RUNX1: variants seen among roughly 807,000 people sequenced by gnomAD.
RUNX1 encodes RUNX family transcription factor 1.
Under a neutral mutation model 42.8 loss-of-function variants are expected in RUNX1, and 19 were observed. That is an observed-to-expected ratio of 0.44 (90% CI 0.31 to 0.65). RUNX1 has a LOEUF of 0.65. Ranked by LOEUF, RUNX1 falls within the 30% of genes least tolerant of loss-of-function variation. The probability of loss-of-function intolerance (pLI) is 0.07; values close to 1 mark genes in which losing one functional copy is unlikely to be tolerated. For missense variants in RUNX1, 528 were observed against 672.0 expected (o/e 0.79, Z 2.37); for synonymous variants, 271 against 289.4 (o/e 0.94, Z 0.64).
At chr21:34,925,083 C>T (rs557791694) in intron 2 of RUNX1, among the ~76,000 whole-genome samples, 32 of 152,132 alleles carry the variant, frequency 2.1e-4, no homozygotes, top group Admixed American at 4.6e-4. Context: ...TCCTTAACAT[C>T]CCCAATCTGT....
At chr21:34,825,689 G>T (rs941764982) in intron 7 of RUNX1, among the ~76,000 whole-genome samples, 1 of 152,148 alleles carries the variant, frequency 6.6e-6, no homozygotes, top group African/African-American at 2.4e-5. Flanking sequence ...CAGTTTGAAC[G>T]GTGGCTCCAG....
Position 34,857,955 on chromosome 21 carries a change from A to G in RUNX1, c.613+1519T>C, listed in dbSNP as rs568100578. The stretch of plus-strand genomic sequence containing the variant: ...GTCCCACAGTCTCCCAAGTCTAGGC[A>G]TGGCCAGAAAGTCTCGATCAGAAAA... On this transcript the variant is annotated intron_variant, in intron 6 of 8. Transcript: ENST00000675419. Among the ~76,000 whole-genome samples, 13 of 152,308 alleles carry G rather than the reference A, an allele frequency of 8.5e-5. No individual in the cohort carries two copies. The South Asian group carries it at 2.3e-3, about 27-fold the overall frequency.
intron 2 of RUNX1, among the ~76,000 whole-genome samples, chr21:34,975,794 A>G (rs183517921): frequency 6.6e-6 from 1 of 152,230 alleles, no homozygotes; most frequent in Admixed American, 6.5e-5. Flanking sequence ...TTGGGTGTGT[A>G]GCTCTTGGGG....
At chr21:34,992,492 A>G (rs2058951936) in intron 2 of RUNX1, among the ~76,000 whole-genome samples, 1 of 152,014 alleles carries the variant, frequency 6.6e-6, no homozygotes, top group Non-Finnish European at 1.5e-5. Context: ...CTGAGGATGG[A>G]TTAGGCAGTG....
chr21:35,021,389 T>C (rs1388347181), intron 2 of RUNX1, among the ~76,000 whole-genome samples: 1 of 152,192 alleles, frequency 6.6e-6, no homozygotes, highest in African/African-American at 2.4e-5. Flanking sequence ...TAGGTGCTGA[T>C]TTTTTTCTCT....
intron 2 of RUNX1, among the ~76,000 whole-genome samples, chr21:35,010,624 C>T (rs1056067547): frequency 8.3e-5 from 12 of 144,692 alleles, no homozygotes; most frequent in East Asian, 3.9e-4. Flanking sequence ...TACACACACA[C>T]GCACACACAC....
chr21:34,905,416 A>G (rs2058210493), intron 2 of RUNX1, among the ~76,000 whole-genome samples: 1 of 152,200 alleles, frequency 6.6e-6, no homozygotes, highest in African/African-American at 2.4e-5. Flanking sequence ...GTTACTGGGA[A>G]TGAGAAGGAA....
At chr21:35,007,737 C>G (rs1320641656) in intron 2 of RUNX1, among the ~76,000 whole-genome samples, 1 of 152,012 alleles carries the variant, frequency 6.6e-6, no homozygotes, top group Non-Finnish European at 1.5e-5. Flanking sequence ...CCACCACCCT[C>G]GTTCAGGCCC....
intron 4 of RUNX1, among the ~76,000 whole-genome samples, chr21:34,882,748 C>A (rs1200799802): frequency 6.8e-6 from 1 of 146,372 alleles, no homozygotes; most frequent in Non-Finnish European, 1.5e-5. Flanking sequence ...TCTTTTTAGT[C>A]TCTCACAACA....
chr21:34,793,861 G>T (rs1402517416), intron 8 of RUNX1, among the ~76,000 whole-genome samples: 3 of 151,934 alleles, frequency 2.0e-5, no homozygotes, highest in Admixed American at 6.6e-5. Flanking sequence ...CCGCCACCAG[G>T]CCTGGCCAAT....
At chr21:34,860,910 T>A (rs931006081) in intron 5 of RUNX1, among the ~76,000 whole-genome samples, 5 of 152,222 alleles carry the variant, frequency 3.3e-5, no homozygotes, top group Non-Finnish European at 4.4e-5. Context: ...AGATGTGGAT[T>A]CTATCTGTAT....
At chr21:34,975,528 G>A (rs1341960832) in intron 2 of RUNX1, among the ~76,000 whole-genome samples, 2 of 152,188 alleles carry the variant, frequency 1.3e-5, no homozygotes, top group Non-Finnish European at 2.9e-5. Context: ...TTAGAAAAGA[G>A]ACTTGAGCAT....
At chr21:34,893,654 T>C (rs1229581781) in intron 2 of RUNX1, among the ~76,000 whole-genome samples, 1 of 152,126 alleles carries the variant, frequency 6.6e-6, no homozygotes, top group Non-Finnish European at 1.5e-5. Flanking sequence ...GCCTTGTATA[T>C]TGATAACAGC....
intron 4 of RUNX1, among the ~76,000 whole-genome samples, chr21:34,885,888 T>C (rs941049985): frequency 3.9e-5 from 6 of 152,230 alleles, no homozygotes; most frequent in African/African-American, 1.4e-4. Flanking sequence ...GAATCTCCAC[T>C]GCAGAAATTA....
chr21:34,960,166 T>G (rs2058672529), intron 2 of RUNX1, among the ~76,000 whole-genome samples: 1 of 152,138 alleles, frequency 6.6e-6, no homozygotes, highest in Non-Finnish European at 1.5e-5. Flanking sequence ...AGCTGTTCTG[T>G]GTGTGGTAGA....
rs2056422485 is a variant in RUNX1 at position 34,790,642 on chromosome 21, T to C, written c.*1493A>G. On this transcript the variant is annotated 3_prime_UTR_variant, in exon 9 of 9. Transcript: ENST00000675419. The stretch of plus-strand genomic sequence containing the variant: ...GTAAAAGCCCATATACCCCATAGGG[T>C]AGGGTCTCAGCCTGGTGAAAGCAAC... The C allele has an allele frequency of 4.3e-6, 1 of 233,148 alleles. No homozygotes were observed. Among genetic ancestry groups the C allele is most frequent in the Non-Finnish European group, 8.5e-6 (1 of 118,062 alleles). 14.4% of individuals were successfully genotyped at this position (233,148 alleles called of 1,614,324 possible).
At chr21:34,990,607 C>T (rs1185517699) in intron 2 of RUNX1, among the ~76,000 whole-genome samples, 2 of 151,926 alleles carry the variant, frequency 1.3e-5, no homozygotes, top group Non-Finnish European at 1.5e-5. Context: ...ACCACTGGGG[C>T]TCTTCCATTA....
intron 7 of RUNX1, among the ~76,000 whole-genome samples, chr21:34,819,384 C>T (rs1177432383): frequency 5.9e-5 from 9 of 152,216 alleles, no homozygotes; most frequent in Non-Finnish European, 1.3e-4. Context: ...CTGCTAGTTA[C>T]TGCCATGCTC....
At chr21:34,877,542 G>C (rs1199899655) in intron 5 of RUNX1, among the ~76,000 whole-genome samples, 2 of 152,142 alleles carry the variant, frequency 1.3e-5, no homozygotes, top group Non-Finnish European at 2.9e-5. Flanking sequence ...AACATTCCAA[G>C]GGTGAGATAC....
Sources: allele counts gnomAD v4.1 joint callset (sites outside exome capture counted in the v4.1 genomes callset), GRCh38; gene constraint gnomAD v4.1.1; transcripts MANE v1.5; gene names NCBI Gene and HGNC (gene_info 2026-07-23, HGNC 2026-07-21).